Variants in ZGRF1 observed in about 807,000 individuals in gnomAD.
ZGRF1 encodes the protein 5'-3' DNA helicase ZGRF1.
In ZGRF1, 196 loss-of-function variants were observed where a neutral mutation model predicts 203.5. The ratio of observed to expected loss-of-function variants is 0.96; its 90% CI spans 0.86 to 1.08. ZGRF1 has a LOEUF of 1.08. Ranked by LOEUF, ZGRF1 falls within the 50% of genes least tolerant of loss-of-function variation. The pLI is 0.00. For missense variants in ZGRF1, 2,326 were observed against 2,416.3 expected, an observed-to-expected ratio of 0.96 and a Z score of 0.78; for synonymous variants, 809 against 841.3, an observed-to-expected ratio of 0.96 and a Z score of 0.66.
At chr4:112,559,777 A>C (rs1741597873) in intron 19 of ZGRF1, among the ~76,000 whole-genome samples, 1 of 152,208 alleles carries the variant, frequency 6.6e-6, no homozygotes, top group Non-Finnish European at 1.5e-5. Flanking sequence ...AAAATCATAC[A>C]GCTAACAAAT....
chr4:112,614,759 G>A lies in ZGRF1; in HGVS notation c.2603-2171C>T, dbSNP rs530423404. 1.7e-3 allele frequency among the ~76,000 whole-genome samples: 263 copies of A among 152,160 alleles called. 1 individual carries two copies. Among genetic ancestry groups the A allele is most frequent in the African/African-American group, 4.1e-3 (171 of 41,524 alleles). ...GGAGAATTGCTTAAACCCAGGAGGCGGAGGTTGCAGTGAGCCAAGATCGCG... is the reference window on the plus strand; with the variant it reads ...GGAGAATTGCTTAAACCCAGGAGGCAGAGGTTGCAGTGAGCCAAGATCGCG... On this transcript the variant is annotated intron_variant, in intron 6 of 27. Coordinates refer to ENST00000505019, the MANE Select transcript of ZGRF1 (RefSeq NM_018392.5).
At chr4:112,540,281 A>C (rs1450232287) in intron 26 of ZGRF1, among the ~76,000 whole-genome samples, 157 bp from the exon 27 acceptor site, 2 of 152,228 alleles carry the variant, frequency 1.3e-5, no homozygotes, top group East Asian at 1.9e-4. Flanking sequence ...AAAATGATAG[A>C]TAAATGACTA....
intron 3 of ZGRF1, among the ~76,000 whole-genome samples, chr4:112,628,213 G>A (rs370307462): frequency 3.9e-5 from 6 of 152,228 alleles, no homozygotes; most frequent in East Asian, 3.9e-4. Flanking sequence ...CATTCATTGC[G>A]TGCTCAGGAT....
At chr4:112,589,679 T>C (rs1478921755) in intron 11 of ZGRF1, 45 bp downstream of exon 11, 5 of 1,560,080 alleles carry the variant, frequency 3.2e-6, no homozygotes, top group East Asian at 4.5e-5. Context: ...AAAAACTTCA[T>C]CTTAAATGAA....
At position 112,573,198 on chromosome 4, in the gene ZGRF1, A is replaced by ACACC. The variant is rs1553987609; in HGVS notation, c.4438+8461_4438+8464dup. ...CACACACACACACACACACACACACACACCCATGGAATACTATTCAGCCAT... is the reference window on the plus strand; with the variant it reads ...CACACACACACACACACACACACACACACCCACCCATGGAATACTATTCAGCCAT... On this transcript the variant is annotated intron_variant, in intron 16 of 27. Coordinates refer to ENST00000505019, the MANE Select transcript of ZGRF1 (RefSeq NM_018392.5). 3.3e-5 allele frequency among the ~76,000 whole-genome samples: 5 copies of ACACC among 150,234 alleles called. No individual in the cohort carries two copies. In the South Asian group the frequency reaches 6.3e-4, roughly 19 times the overall value.
intron 24 of ZGRF1, among the ~76,000 whole-genome samples, chr4:112,546,339 G>C (rs529951764): frequency 6.6e-6 from 1 of 152,076 alleles, no homozygotes; most frequent in Non-Finnish European, 1.5e-5. Context: ...AGAGGTAGTG[G>C]TTACACAAGA....
At chr4:112,561,172 G>C in intron 18 of ZGRF1, 177 bp from the exon 19 acceptor site, 1 of 589,016 alleles carries the variant, frequency 1.7e-6, no homozygotes, top group South Asian at 2.1e-5. Flanking sequence ...ATCGAGGAGG[G>C]TAGAAGAGAA....
chr4:112,609,274 C>T, intron 8 of ZGRF1, 105 bp downstream of exon 8: 1 of 380,794 alleles, frequency 2.6e-6, no homozygotes, highest in South Asian at 4.2e-5. Context: ...AGGATGGTCT[C>T]TATCTCCTGA....
chr4:112,559,192 GT>G (rs952418822), intron 19 of ZGRF1, among the ~76,000 whole-genome samples: 1 of 151,076 alleles, frequency 6.6e-6, no homozygotes, highest in Admixed American at 6.6e-5. Flanking sequence ...AGCAATGGTT[GT>G]TTTTTTTTGT....
intron 10 of ZGRF1, among the ~76,000 whole-genome samples, chr4:112,602,820 A>T (rs1750180584): frequency 6.6e-6 from 1 of 152,202 alleles, no homozygotes; most frequent in South Asian, 2.1e-4. Context: ...ATTTATATAA[A>T]GTTTTAAAAG....
intron 7 of ZGRF1, among the ~76,000 whole-genome samples, chr4:112,609,664 G>A (rs955874368): frequency 9.9e-5 from 15 of 151,792 alleles, no homozygotes; most frequent in Admixed American, 2.6e-4. Flanking sequence ...AAAACTAGCC[G>A]GGTGTGGTGG....
In ZGRF1 at chr4:112,558,075, C is replaced by A; in HGVS notation, c.5120+75G>T. ...TAACCAGCAAGAGTACATGGACACTCAGGGCCCATAGTGGGTTGCCTCTCT... is the reference window on the plus strand; with the variant it reads ...TAACCAGCAAGAGTACATGGACACTAAGGGCCCATAGTGGGTTGCCTCTCT... On this transcript the variant is annotated intron_variant, in intron 20 of 27. Transcript: ENST00000505019. The A allele has an allele frequency of 3.3e-6, 4 of 1,201,320 alleles. No homozygotes were observed. In the South Asian group the frequency reaches 4.2e-5, roughly 13 times the overall value. The allele number at this position is 1,201,320 out of a possible 1,614,324, so 74.4% of individuals were successfully genotyped here.
intron 3 of ZGRF1, among the ~76,000 whole-genome samples, chr4:112,624,940 A>G (rs2047182327): frequency 6.6e-6 from 1 of 152,210 alleles, no homozygotes; most frequent in Non-Finnish European, 1.5e-5. Context: ...AAAAAGTTGA[A>G]GTAACCCAAA....
intron 18 of ZGRF1, 23 bp from the exon 19 acceptor site, chr4:112,561,018 A>G: frequency 6.4e-7 from 1 of 1,565,796 alleles, no homozygotes; most frequent in South Asian, 1.1e-5. Context: ...AAGCAAATAA[A>G]CAATTTTAAA....
At chr4:112,555,442 A>C (rs1740761448) in intron 20 of ZGRF1, among the ~76,000 whole-genome samples, 4 of 152,250 alleles carry the variant, frequency 2.6e-5, no homozygotes, top group African/African-American at 9.6e-5. Flanking sequence ...AAAGAGCTGG[A>C]GAACTAAACT....
intron 16 of ZGRF1, among the ~76,000 whole-genome samples, chr4:112,565,993 T>G (rs993927668): frequency 3.3e-5 from 5 of 152,208 alleles, no homozygotes; most frequent in Non-Finnish European, 7.3e-5. Flanking sequence ...ATCCCATTAC[T>G]GGGTATACAC....
intron 1 of ZGRF1, among the ~76,000 whole-genome samples, chr4:112,634,483 T>C (rs1009713909): frequency 5.9e-5 from 9 of 151,628 alleles, no homozygotes; most frequent in African/African-American, 2.2e-4. Context: ...AACCCCTGTC[T>C]CTACTAAAAA....
intron 8 of ZGRF1, 67 bp downstream of exon 8, chr4:112,609,312 C>G: frequency 1.4e-6 from 1 of 737,780 alleles, no homozygotes; most frequent in Non-Finnish European, 2.1e-6. Context: ...CTCAGCCTCC[C>G]AAAGTGCTGG....
intron 26 of ZGRF1, among the ~76,000 whole-genome samples, chr4:112,540,406 C>T (rs1420399250): frequency 6.6e-6 from 1 of 151,234 alleles, no homozygotes; most frequent in African/African-American, 2.4e-5. Flanking sequence ...ATAAAAAATA[C>T]TAAGAGAAAA....
Sources: gnomAD v4.1 joint callset for allele counts (sites outside exome capture counted in the v4.1 genomes callset) on GRCh38, gnomAD v4.1.1 for gene constraint, MANE v1.5 for transcripts, NCBI Gene and HGNC (gene_info 2026-07-23, HGNC 2026-07-21) for gene names.